Variants in DCD observed in about 807,000 individuals in gnomAD.
DCD encodes the protein diffusible survival/evasion peptide.
A neutral mutation model predicts 14.5 loss-of-function variants in DCD; 17 were observed. The observed-to-expected ratio is 1.18, with a 90% confidence interval of 0.81 to 1.76. The LOEUF (loss-of-function observed/expected upper bound fraction) is 1.76, where lower values mean the gene tolerates loss of function less well. Among genes scored for constraint, DCD ranks in the 40% most tolerant of loss-of-function variants. The pLI is 0.00. For synonymous variants in DCD, 64 were observed against 54.0 expected, an observed-to-expected ratio of 1.19 and a Z score of -0.82; for missense variants, 139 against 133.4, an observed-to-expected ratio of 1.04 and a Z score of -0.21.
intron 2 of DCD, 110 bp from the exon 3 acceptor site, chr12:54,645,817 C>A: frequency 1.2e-6 from 1 of 801,764 alleles, no homozygotes; most frequent in Non-Finnish European, 2.1e-6. Context: ...GGATAGCTCC[C>A]TCTCTCCCAA....
intron 3 of DCD, among the ~76,000 whole-genome samples, 154 bp downstream of exon 3, chr12:54,645,452 T>C (rs1958251681): frequency 6.6e-6 from 1 of 152,154 alleles, no homozygotes; most frequent in Non-Finnish European, 1.5e-5. Flanking sequence ...CCAGAAACCC[T>C]GTATGTAGAA....
In DCD at chr12:54,646,154, G is replaced by A. The variant is rs755998831; in HGVS notation, c.98-447C>T. On this transcript the variant is annotated intron_variant, in intron 2 of 4. Coordinates refer to ENST00000293371, the MANE Select transcript of DCD (RefSeq NM_053283.4). ...TGTAAACAATCCATTTGTTTATCTG[G>A]AAAATCAAAACTTCTGTTATTGCAT... 2.4e-5 allele frequency: 11 copies of A among 456,332 alleles called. 1 individual carries two copies. Among genetic ancestry groups the A allele is most frequent in the South Asian group, 7.7e-5 (5 of 64,554 alleles). 28.3% of individuals were successfully genotyped at this position (456,332 alleles called of 1,614,324 possible).
chr12:54,645,902 ACTTTTCCTGCTCCTCCAGGGCC>A, intron 2 of DCD, 195 bp from the exon 3 acceptor site: 1 of 586,986 alleles, frequency 1.7e-6, no homozygotes, highest in Non-Finnish European at 3.1e-6. Flanking sequence ...TGCCTCCAAG[ACTTTTCCTGCTCCTCCAGGGCC>A]CTTTTCTAGA....
At chr12:54,647,290 C>G (rs1161387459) in intron 1 of DCD, 131 bp from the exon 2 acceptor site, 1 of 878,044 alleles carries the variant, frequency 1.1e-6, no homozygotes, top group African/African-American at 1.7e-5. Context: ...AGAGAAATCT[C>G]TGCTTCACAA....
At chr12:54,647,060 A>G in intron 2 of DCD, 61 bp downstream of exon 2, 1 of 1,515,712 alleles carries the variant, frequency 6.6e-7, no homozygotes. Flanking sequence ...TCCTCCACTC[A>G]TATCCCAAGT....
Position 54,644,686 on chromosome 12 carries a change from G to A in DCD, c.*27C>T, listed in dbSNP as rs1447283468. 4 of 1,491,578 alleles carry A rather than the reference G, an allele frequency of 2.7e-6. No homozygotes were observed. The highest frequency in any genetic ancestry group is 2.3e-5 in the South Asian group (2 of 87,222). 92.4% of individuals were successfully genotyped at this position (1,491,578 alleles called of 1,614,324 possible). A position where few individuals can be genotyped will look rare whatever the true frequency, so the allele number is the denominator to read the frequency against. On this transcript the variant is annotated 3_prime_UTR_variant, in exon 5 of 5. Transcript: ENST00000293371. Reference sequence around the variant, plus strand: ...AAGACGTAAAGCCTGCTGCTCCTGGGTATCATTTCTCAGCTTCTCCTTACA... The same window carrying A: ...AAGACGTAAAGCCTGCTGCTCCTGGATATCATTTCTCAGCTTCTCCTTACA...
rs1401300826 is a variant in DCD, at chr12:54,648,294, T to C, written c.10A>G (p.Met4Val). The C allele has an allele frequency of 1.9e-6, 3 of 1,613,968 alleles. No homozygotes were observed. The highest frequency in any genetic ancestry group is 2.2e-5 in the East Asian group (1 of 44,858). ...AGAGCTGTCAGGAAGAGGAGAGTCA[T>C]GAACCTCATGCTTCTGTGTGCTGGA... Reference protein sequence around the residue: MRFMTLLFLTALAG... With the variant: MRFVTLLFLTALAG... Residue 4 changes from methionine (M) to valine (V), a missense_variant, in exon 1 of 5, where the codon ATG (methionine) becomes GTG (valine). Transcript: ENST00000293371.
chr12:54,645,252 T>C lies in DCD; in HGVS notation c.210A>G (p.Leu70=), dbSNP rs1958249006. Residue 70 remains leucine, a synonymous_variant, in exon 4 of 5, where the codon CTA becomes CTG. Transcript: ENST00000293371. ...CCCCCACAGCTTTTTTTGCTCCGTC[T>C]AGGCCTTTTTCTAGGGTGGATTCAG... ...KQRSSLLEKG[L]DGAKKAVGGL... 1.9e-6 allele frequency: 3 copies of C among 1,614,102 alleles called. No homozygotes were observed. The highest frequency in any genetic ancestry group is 1.7e-5 in the Admixed American group (1 of 60,018).
chr12:54,646,317 TAC>T (rs1958260706), intron 2 of DCD, among the ~76,000 whole-genome samples: 1 of 152,086 alleles, frequency 6.6e-6, no homozygotes, highest in Non-Finnish European at 1.5e-5. Context: ...TGTGCAGAAA[TAC>T]AGTTTATCTT....
Sources: gnomAD v4.1 joint callset for allele counts (sites outside exome capture counted in the v4.1 genomes callset) on GRCh38, gnomAD v4.1.1 for gene constraint, MANE v1.5 for transcripts, NCBI Gene and HGNC (gene_info 2026-07-23, HGNC 2026-07-21) for gene names.